The following SLC4A10 variants were observed in gnomAD, a reference collection of about 807,000 sequenced individuals.
The protein encoded by SLC4A10 is sodium-driven chloride bicarbonate exchanger.
Under a neutral mutation model 137.7 loss-of-function variants are expected in SLC4A10, and 42 were observed. That is an observed-to-expected ratio of 0.30 (90% CI 0.24 to 0.39). SLC4A10 has a LOEUF of 0.39. SLC4A10 is among the 10% of genes least tolerant of loss of function. SLC4A10 has a pLI of 1.00. For missense variants in SLC4A10, 925 were observed against 1,355.0 expected, an observed-to-expected ratio of 0.68 and a Z score of 4.98; for synonymous variants, 474 against 464.1, an observed-to-expected ratio of 1.02 and a Z score of -0.27.
chr2:161,643,906 A>C (rs1051604591), intron 1 of SLC4A10, among the ~76,000 whole-genome samples: 1 of 152,100 alleles, frequency 6.6e-6, no homozygotes. Flanking sequence ...AATAAGAGAG[A>C]TGGTTCAAAA....
intron 4 of SLC4A10, among the ~76,000 whole-genome samples, chr2:161,850,163 G>A (rs1459661365): frequency 6.6e-6 from 1 of 152,086 alleles, no homozygotes; most frequent in East Asian, 1.9e-4. Flanking sequence ...GTTGAGGTGG[G>A]TGGATCACTT....
chr2:161,824,144 G>T (rs2057851793), intron 3 of SLC4A10, among the ~76,000 whole-genome samples: 1 of 152,256 alleles, frequency 6.6e-6, no homozygotes, highest in African/African-American at 2.4e-5. Flanking sequence ...AGGAGCTAAT[G>T]TTCATGAAGG....
At chr2:161,979,540 G>A (rs912412872) in intron 26 of SLC4A10, among the ~76,000 whole-genome samples, 1 of 152,200 alleles carries the variant, frequency 6.6e-6, no homozygotes, top group African/African-American at 2.4e-5. Context: ...AACATCTTTT[G>A]GTTGGTAGTT....
intron 1 of SLC4A10, among the ~76,000 whole-genome samples, chr2:161,761,320 A>T (rs1013715015): frequency 6.6e-6 from 1 of 152,086 alleles, no homozygotes. Context: ...GCAGATGCTT[A>T]GGGAAGGACA....
intron 1 of SLC4A10, among the ~76,000 whole-genome samples, chr2:161,633,132 G>A (rs2033856657): frequency 6.6e-6 from 1 of 151,502 alleles, no homozygotes; most frequent in Admixed American, 6.6e-5. Context: ...TAAACCCATT[G>A]TAAATAGAAA....
chr2:161,703,978 A>G (rs1261462641), intron 1 of SLC4A10, among the ~76,000 whole-genome samples: 1 of 151,708 alleles, frequency 6.6e-6, no homozygotes, highest in Non-Finnish European at 1.5e-5. Context: ...GCTGTACATT[A>G]TACATACGTG....
At chr2:161,939,536 A>G (rs1295828503) in intron 15 of SLC4A10, among the ~76,000 whole-genome samples, 1 of 152,174 alleles carries the variant, frequency 6.6e-6, no homozygotes, top group Non-Finnish European at 1.5e-5. Flanking sequence ...TTCTGATTCT[A>G]TCAGCCATAG....
intron 2 of SLC4A10, among the ~76,000 whole-genome samples, chr2:161,783,120 G>A (rs957927058): frequency 6.6e-6 from 1 of 151,968 alleles, no homozygotes; most frequent in Non-Finnish European, 1.5e-5. Flanking sequence ...AATTTCATAA[G>A]AGTATAAGTA....
intron 23 of SLC4A10, among the ~76,000 whole-genome samples, chr2:161,971,767 G>A (rs1012687884): frequency 1.3e-5 from 2 of 152,188 alleles, no homozygotes; most frequent in East Asian, 3.9e-4. Context: ...TGGCACTGAA[G>A]GCAGCGGCTG....
chr2:161,840,696 G>A (rs1417838408), intron 4 of SLC4A10, among the ~76,000 whole-genome samples: 1 of 152,178 alleles, frequency 6.6e-6, no homozygotes, highest in African/African-American at 2.4e-5. Flanking sequence ...TATAATGAAA[G>A]CTGTGATACA....
chr2:161,863,311 A>C (rs1282885287), intron 6 of SLC4A10, among the ~76,000 whole-genome samples: 1 of 152,164 alleles, frequency 6.6e-6, no homozygotes, highest in Admixed American at 6.5e-5. Flanking sequence ...TAATAAAAAA[A>C]CTTTTAGATT....
intron 1 of SLC4A10, among the ~76,000 whole-genome samples, chr2:161,746,865 T>C (rs1033245777): frequency 1.3e-5 from 2 of 152,156 alleles, no homozygotes; most frequent in African/African-American, 2.4e-5. Context: ...CGAGTCACTC[T>C]AGAAATGTTG....
rs771888670 is a variant in SLC4A10 at position 161,763,469 on chromosome 2, G to A, written c.49-7504G>A. Among the ~76,000 whole-genome samples, 36 of 152,180 alleles carry A rather than the reference G, an allele frequency of 2.4e-4. 1 individual carries two copies. In the East Asian group the frequency reaches 6.0e-3, roughly 25 times the overall value. ...AAAAATACGTATAAAGATGTGGGCA[G>A]GATAAAGGGAAATCAACTAGGGTTC... On this transcript the variant is annotated intron_variant, in intron 1 of 26. Transcript: ENST00000446997.
At chr2:161,655,137 T>A (rs1474651157) in intron 1 of SLC4A10, among the ~76,000 whole-genome samples, 1 of 152,180 alleles carries the variant, frequency 6.6e-6, no homozygotes, top group East Asian at 1.9e-4. Flanking sequence ...TTCATGCTAT[T>A]GTCAATGTGA....
chr2:161,767,220 A>G (rs1241945315), intron 1 of SLC4A10, among the ~76,000 whole-genome samples: 5 of 108,832 alleles, frequency 4.6e-5, no homozygotes, highest in Admixed American at 2.7e-4. Context: ...ATATACACAT[A>G]TATATATATA....
chr2:161,699,107 C>T (rs552662422), intron 1 of SLC4A10, among the ~76,000 whole-genome samples: 95 of 152,308 alleles, frequency 6.2e-4, no homozygotes, highest in African/African-American at 1.9e-3. Flanking sequence ...GCAAGCTACG[C>T]GTCCTGGGTT....
chr2:161,856,548 TG>T (rs2060116642), intron 5 of SLC4A10, among the ~76,000 whole-genome samples: 1 of 152,128 alleles, frequency 6.6e-6, no homozygotes, highest in Non-Finnish European at 1.5e-5. Flanking sequence ...TCCAGGCTAC[TG>T]TAGCTGCACT....
intron 11 of SLC4A10, 144 bp from the exon 12 acceptor site, chr2:161,900,767 A>T: frequency 1.8e-6 from 1 of 559,554 alleles, no homozygotes; most frequent in Middle Eastern, 3.7e-4. Flanking sequence ...AACTTCCTGG[A>T]GGTCAAGCAA....
chr2:161,983,223 T>A lies in SLC4A10; in HGVS notation c.*71T>A, dbSNP rs1179485659. On this transcript the variant is annotated 3_prime_UTR_variant, in exon 27 of 27. Coordinates refer to ENST00000446997, the MANE Select transcript of SLC4A10 (RefSeq NM_001178015.2). The stretch of plus-strand genomic sequence containing the variant: ...AAGAAAGCTGACTCAGGGAAAGGTG[T>A]TGACAGGGAGACTTGTCTATGACTC... 4 of 1,536,682 alleles carry A rather than the reference T, an allele frequency of 2.6e-6. No homozygotes were observed. The highest frequency in any genetic ancestry group is 3.5e-6 in the Non-Finnish European group (4 of 1,147,056).
Sources: gnomAD v4.1 joint callset for allele counts (sites outside exome capture counted in the v4.1 genomes callset) on GRCh38, gnomAD v4.1.1 for gene constraint, MANE v1.5 for transcripts, NCBI Gene and HGNC (gene_info 2026-07-23, HGNC 2026-07-21) for gene names.